Variants in LRRC7 observed in about 807,000 individuals in gnomAD.
LRRC7 encodes leucine-rich repeat-containing protein 7.
A neutral mutation model predicts 175.7 loss-of-function variants in LRRC7; 23 were observed. That is an observed-to-expected ratio of 0.13 (90% CI 0.09 to 0.19). LRRC7 has a LOEUF of 0.19. Ranked by LOEUF, LRRC7 falls within the 10% of genes least tolerant of loss-of-function variation. The pLI, the probability that LRRC7 is intolerant of heterozygous loss-of-function variation, is 1.00. For missense variants in LRRC7, 1,354 were observed against 1,904.7 expected (o/e 0.71, Z 5.38); for synonymous variants, 685 against 680.9 (o/e 1.01, Z -0.09).
At chr1:70,037,228 A>G (rs1210909914) in intron 20 of LRRC7, among the ~76,000 whole-genome samples, 1 of 152,218 alleles carries the variant, frequency 6.6e-6, no homozygotes, top group Non-Finnish European at 1.5e-5. Context: ...TATGTTTTAC[A>G]CTACAAATAG....
chr1:70,078,836 A>G (rs948441238), intron 24 of LRRC7, among the ~76,000 whole-genome samples: 2 of 151,794 alleles, frequency 1.3e-5, no homozygotes, highest in Non-Finnish European at 1.5e-5. Flanking sequence ...ACACACACAC[A>G]CACACACACA....
chr1:69,991,662 G>A (rs1025457248), intron 10 of LRRC7, among the ~76,000 whole-genome samples: 6 of 152,132 alleles, frequency 3.9e-5, no homozygotes, highest in African/African-American at 1.4e-4. Context: ...TTGGATCATG[G>A]ATTATCTATT....
chr1:69,571,610 A>T (rs1645741928), intron 1 of LRRC7, among the ~76,000 whole-genome samples: 1 of 152,172 alleles, frequency 6.6e-6, no homozygotes, highest in Non-Finnish European at 1.5e-5. Context: ...TGGTCTTGTT[A>T]ATCACAACTT....
chr1:69,594,168 C>T (rs1188626814), intron 1 of LRRC7, among the ~76,000 whole-genome samples: 1 of 152,064 alleles, frequency 6.6e-6, no homozygotes, highest in East Asian at 1.9e-4. Context: ...ACTACATACC[C>T]ATCTAGTCTA....
At chr1:69,979,706 C>A (rs762843367) in intron 8 of LRRC7, among the ~76,000 whole-genome samples, 1 of 152,026 alleles carries the variant, frequency 6.6e-6, no homozygotes, top group South Asian at 2.1e-4. Context: ...AATAATTATT[C>A]ATTGACAAAA....
At chr1:69,943,685 A>C (rs1325350174) in intron 8 of LRRC7, among the ~76,000 whole-genome samples, 1 of 152,074 alleles carries the variant, frequency 6.6e-6, no homozygotes, top group African/African-American at 2.4e-5. Flanking sequence ...ACACTTTTCC[A>C]GGCTGCCTCC....
chr1:69,671,126 C>T (rs759279736), intron 1 of LRRC7, among the ~76,000 whole-genome samples: 4 of 152,122 alleles, frequency 2.6e-5, no homozygotes, highest in Non-Finnish European at 5.9e-5. Context: ...CTGAGTCTCA[C>T]GTGAAGCCAG....
At chr1:69,622,266 C>G (rs910781497) in intron 1 of LRRC7, among the ~76,000 whole-genome samples, 1 of 152,182 alleles carries the variant, frequency 6.6e-6, no homozygotes, top group Admixed American at 6.5e-5. Context: ...TCTCTTGACA[C>G]TAGTTTTGGG....
At chr1:70,021,184 G>A (rs745437157) in intron 16 of LRRC7, 55 bp downstream of exon 16, 94 of 1,554,426 alleles carry the variant, frequency 6.0e-5, no homozygotes, top group Middle Eastern at 3.5e-4. Flanking sequence ...TTGTTTGTCC[G>A]TTTTTCTTAT....
chr1:69,894,850 G>A (rs997266227), intron 7 of LRRC7, among the ~76,000 whole-genome samples: 3 of 152,180 alleles, frequency 2.0e-5, no homozygotes, highest in African/African-American at 7.2e-5. Flanking sequence ...GGGGTATAAA[G>A]TTACAGTTAT....
chr1:70,079,328 T>C (rs548143175), intron 24 of LRRC7, among the ~76,000 whole-genome samples: 59 of 152,292 alleles, frequency 3.9e-4, no homozygotes, highest in Non-Finnish European at 4.6e-4. Context: ...CTAGTGGTGC[T>C]ATAAAAGAGC....
chr1:70,011,335 T>G (rs370024674), intron 11 of LRRC7, among the ~76,000 whole-genome samples: 21 of 118,474 alleles, frequency 1.8e-4, no homozygotes, highest in East Asian at 7.0e-4. Context: ...GAATTGGTGG[T>G]TTTTTTTTTC....
rs184397889 is a variant in LRRC7, at chr1:69,757,600, A to T, written c.101-2591A>T. On this transcript the variant is annotated intron_variant, in intron 2 of 26. Transcript: ENST00000651989. The stretch of plus-strand genomic sequence containing the variant: ...AATGGGAAAGTGCCTAAGTGAATAC[A>T]ATTTCAAAAGTTTTGGTAGACAGTG... 7.9e-5 allele frequency among the ~76,000 whole-genome samples: 12 copies of T among 152,084 alleles called. No homozygotes were observed. The East Asian group carries it at 2.1e-3, about 27-fold the overall frequency.
At chr1:69,587,708 G>C (rs955509825) in intron 1 of LRRC7, among the ~76,000 whole-genome samples, 3 of 152,126 alleles carry the variant, frequency 2.0e-5, no homozygotes, top group African/African-American at 7.2e-5. Flanking sequence ...GGAGAGCCAT[G>C]ATAGTTCTTG....
intron 8 of LRRC7, among the ~76,000 whole-genome samples, chr1:69,977,587 C>T (rs1652957078): frequency 6.6e-6 from 1 of 152,302 alleles, no homozygotes; most frequent in African/African-American, 2.4e-5. Flanking sequence ...AATCCACATC[C>T]TCCCTTTGTA....
At chr1:69,653,286 T>G (rs35010636) in intron 1 of LRRC7, among the ~76,000 whole-genome samples, 1 of 149,068 alleles carries the variant, frequency 6.7e-6, no homozygotes, top group Non-Finnish European at 1.5e-5. Flanking sequence ...TTAAAAACTT[T>G]TTTTTAATTT....
chr1:69,863,916 A>C (rs17131060), intron 7 of LRRC7, among the ~76,000 whole-genome samples: 1 of 152,212 alleles, frequency 6.6e-6, no homozygotes, highest in African/African-American at 2.4e-5. Context: ...ATGGCCCTTC[A>C]TGACCTGCCT....
chr1:69,911,561 C>T (rs184031980), intron 7 of LRRC7, among the ~76,000 whole-genome samples: 2 of 152,276 alleles, frequency 1.3e-5, no homozygotes, highest in East Asian at 3.9e-4. Flanking sequence ...CCTCTTAAAT[C>T]ATGGAGGGAA....
intron 7 of LRRC7, among the ~76,000 whole-genome samples, chr1:69,915,956 C>T (rs1174704535): frequency 1.4e-5 from 2 of 147,060 alleles, no homozygotes; most frequent in Non-Finnish European, 3.0e-5. Flanking sequence ...AGTCAAACAG[C>T]TAGTGAGTGG....
Sources: gnomAD v4.1 joint callset for allele counts (sites outside exome capture counted in the v4.1 genomes callset) on GRCh38, gnomAD v4.1.1 for gene constraint, MANE v1.5 for transcripts, NCBI Gene and HGNC (gene_info 2026-07-23, HGNC 2026-07-21) for gene names.